EVC2: variants seen among roughly 807,000 people sequenced by gnomAD.
The protein encoded by EVC2 is limbin.
Under a neutral mutation model 149.3 loss-of-function variants are expected in EVC2, and 148 were observed. The ratio of observed to expected loss-of-function variants is 0.99; its 90% CI spans 0.87 to 1.14. The LOEUF is 1.14. Ranked by LOEUF, EVC2 falls within the 50% of genes most tolerant of loss-of-function variation. The pLI, the probability that EVC2 is intolerant of heterozygous loss-of-function variation, is 0.00. For synonymous variants in EVC2, 776 were observed against 649.9 expected, an observed-to-expected ratio of 1.19 and a Z score of -2.95; for missense variants, 1,854 against 1,627.3, an observed-to-expected ratio of 1.14 and a Z score of -2.40.
At chr4:5,595,338 A>T (rs1577133989) in intron 16 of EVC2, among the ~76,000 whole-genome samples, 1 of 152,354 alleles carries the variant, frequency 6.6e-6, no homozygotes, top group East Asian at 1.9e-4. Context: ...GTTACCCTCA[A>T]AGGGAAGCCC....
Position 5,631,664 on chromosome 4 carries a change from A to C in EVC2, c.1710+129T>G, listed in dbSNP as rs1716545056. 5 of 1,294,174 alleles carry C rather than the reference A, an allele frequency of 3.9e-6. No homozygotes were observed. In the South Asian group the frequency reaches 5.7e-5, roughly 15 times the overall value. 80.2% of individuals were successfully genotyped at this position (1,294,174 alleles called of 1,614,324 possible). A position where few individuals can be genotyped will look rare whatever the true frequency, so the allele number is the denominator to read the frequency against. On this transcript the variant is annotated intron_variant, in intron 11 of 21. Coordinates refer to ENST00000344408, the MANE Select transcript of EVC2 (RefSeq NM_147127.5). The stretch of plus-strand genomic sequence containing the variant: ...CTGCTTACTGGAAACTCACACACCA[A>C]GAGATAGAAGAGAAAGCTCACTAGT...
chr4:5,660,021 T>G (rs57170373), intron 9 of EVC2, among the ~76,000 whole-genome samples: 25,160 of 152,262 alleles, frequency 0.17, 2,196 homozygotes, highest in Middle Eastern at 0.22. Context: ...ATATAATAAG[T>G]GACATTTATG....
chr4:5,593,102 T>C (rs1172589052), intron 16 of EVC2, among the ~76,000 whole-genome samples: 2 of 152,172 alleles, frequency 1.3e-5, no homozygotes. Flanking sequence ...CTGCCATGAT[T>C]GTAAGTTTCT....
At chr4:5,588,059 T>C (rs1228096916) in intron 16 of EVC2, among the ~76,000 whole-genome samples, 6 of 152,226 alleles carry the variant, frequency 3.9e-5, no homozygotes, top group Non-Finnish European at 8.8e-5. Flanking sequence ...CCTGATTTCC[T>C]ATAACATTTC....
At chr4:5,572,742 T>C (rs1722708239) in intron 19 of EVC2, among the ~76,000 whole-genome samples, 1 of 152,204 alleles carries the variant, frequency 6.6e-6, no homozygotes, top group South Asian at 2.1e-4. Context: ...GAAATGAACC[T>C]GGTGAAATTC....
At chr4:5,544,330 A>ATTGATTGGTT (rs142750241) in intron 21 of EVC2, among the ~76,000 whole-genome samples, 39 of 152,264 alleles carry the variant, frequency 2.6e-4, no homozygotes, top group African/African-American at 7.0e-4. Context: ...AGCAGAAGGA[A>ATTGATTGGTT]TTGATTGGTC....
chr4:5,625,782 T>A lies in EVC2; in HGVS notation c.2013A>T (p.Leu671Phe), dbSNP rs1270336297. The stretch of plus-strand genomic sequence containing the variant: ...GCAACTCTCGTCTTCTCTTAGTTAT[T>A]AATTTTTGGTGGAGCTTTTTCTTTT... ...KQEKKKLHQK[L>F]ITKRRRELLQ... Residue 671 changes from leucine (L) to phenylalanine (F), a missense_variant, in exon 13 of 22, where the codon TTA (leucine) becomes TTT (phenylalanine). Physicochemically the swap from Leu to Phe is conservative, Grantham distance 22. Transcript: ENST00000344408. This position sits in a 1 kb window ranked among gnomAD's most constrained non-coding sequence, Gnocchi z 4.0. 6.2e-7 allele frequency: 1 copy of A among 1,614,148 alleles called. No homozygotes were observed. The highest frequency in any genetic ancestry group is 8.5e-7 in the Non-Finnish European group (1 of 1,180,036).
rs369576060 is a variant in EVC2 at position 5,646,398 on chromosome 4, C to T, written c.1146-5560G>A. ...ATGTCCCTTGTCCACTTTTTAATGG[C>T]TTTTTTTTCCTTGGGAGACCGAGGG... On this transcript the variant is annotated intron_variant, in intron 9 of 21. Coordinates refer to ENST00000344408, the MANE Select transcript of EVC2 (RefSeq NM_147127.5). Among the ~76,000 whole-genome samples, 203 of 151,562 alleles carry T rather than the reference C, an allele frequency of 1.3e-3. 1 individual carries two copies. The highest frequency in any genetic ancestry group is 6.8e-3 in the Middle Eastern group (2 of 294).
chr4:5,643,848 T>C (rs1365261719), intron 9 of EVC2, among the ~76,000 whole-genome samples: 2 of 152,046 alleles, frequency 1.3e-5, no homozygotes, highest in Non-Finnish European at 2.9e-5. Flanking sequence ...TTGGCCAAGA[T>C]TGCACCACGG....
Position 5,696,196 on chromosome 4 carries a change from G to A in EVC2, c.283+1397C>T, listed in dbSNP as rs918801960. Among the ~76,000 whole-genome samples, 2 of 152,188 alleles carry A rather than the reference G, an allele frequency of 1.3e-5. No individual in the cohort carries two copies. Among genetic ancestry groups the A allele is most frequent in the African/African-American group, 4.8e-5 (2 of 41,446 alleles). Reference sequence around the variant, plus strand: ...CAAATGCTTGTGCAGCAAGCAACCAGGACATAAAGTCTTAAGGCCACACCT... The same window carrying A: ...CAAATGCTTGTGCAGCAAGCAACCAAGACATAAAGTCTTAAGGCCACACCT... On this transcript the variant is annotated intron_variant, in intron 2 of 21. Coordinates refer to ENST00000344408, the MANE Select transcript of EVC2 (RefSeq NM_147127.5). The surrounding 1 kb of genome is among the most constrained non-coding windows in gnomAD (Gnocchi z 4.1).
chr4:5,690,404 TG>T (rs954091333), intron 4 of EVC2, among the ~76,000 whole-genome samples: 2 of 139,536 alleles, frequency 1.4e-5, no homozygotes, highest in African/African-American at 6.2e-5. Context: ...TGTGGGTTGT[TG>T]TTTTTTTTTT....
chr4:5,540,568 G>A (rs932102796), downstream of EVC2, among the ~76,000 whole-genome samples: 2 of 152,178 alleles, frequency 1.3e-5, no homozygotes, highest in African/African-American at 4.8e-5. Context: ...CAGAGTATAT[G>A]CTGTTTGGTT....
chr4:5,595,928 G>A (rs1452607764), intron 16 of EVC2, among the ~76,000 whole-genome samples: 8 of 152,150 alleles, frequency 5.3e-5, no homozygotes, highest in Non-Finnish European at 1.5e-5. Flanking sequence ...CCTAGTCTCT[G>A]ATAAAACAGA....
At chr4:5,634,011 A>G (rs1276117824) in intron 10 of EVC2, among the ~76,000 whole-genome samples, 2 of 152,244 alleles carry the variant, frequency 1.3e-5, no homozygotes, top group South Asian at 2.1e-4. Context: ...AAAGAGGTCC[A>G]AGGGCCAACA....
At position 5,615,325 on chromosome 4, in the gene EVC2, C is replaced by T. The variant is rs1715159899; in HGVS notation, c.2829+97G>A. ...AGCGGTTGGGTGGAGATGGATGGCACAGCCCCAAGGGCTCTGTGTGCCTGC... is the reference window on the plus strand; with the variant it reads ...AGCGGTTGGGTGGAGATGGATGGCATAGCCCCAAGGGCTCTGTGTGCCTGC... On this transcript the variant is annotated intron_variant, in intron 16 of 21. Coordinates refer to ENST00000344408, the MANE Select transcript of EVC2 (RefSeq NM_147127.5). 4 of 1,586,498 alleles carry T rather than the reference C, an allele frequency of 2.5e-6. No homozygotes were observed. In the Admixed American group the frequency reaches 7.0e-5, roughly 28 times the overall value.
At chr4:5,580,921 T>C (rs1420637259) in intron 17 of EVC2, among the ~76,000 whole-genome samples, 2 of 152,114 alleles carry the variant, frequency 1.3e-5, no homozygotes, top group Non-Finnish European at 1.5e-5. Context: ...GATCTTATGA[T>C]AGTGAGTGAG....
intron 16 of EVC2, among the ~76,000 whole-genome samples, chr4:5,601,301 T>C (rs1212934989): frequency 2.0e-5 from 3 of 152,122 alleles, no homozygotes; most frequent in African/African-American, 7.2e-5. Context: ...AAAAAAATCT[T>C]TAATATTCTT....
intron 9 of EVC2, among the ~76,000 whole-genome samples, chr4:5,649,183 A>G (rs193166668): frequency 1.3e-5 from 2 of 152,320 alleles, no homozygotes; most frequent in East Asian, 3.9e-4. Flanking sequence ...AGCAGGATTC[A>G]CCCACTGCCT....
At chr4:5,536,522 C>T in the EVC2 span, among the ~76,000 whole-genome samples, 15 of 152,136 alleles carry the variant, frequency 9.9e-5, no homozygotes, top group Non-Finnish European at 1.6e-4. Context: ...CGGTGGCTCA[C>T]ACCTGTAATC....
Sources: allele counts gnomAD v4.1 joint callset (sites outside exome capture counted in the v4.1 genomes callset), GRCh38; gene constraint gnomAD v4.1.1; non-coding constraint Gnocchi (gnomAD v3.1); transcripts MANE v1.5; gene names NCBI Gene and HGNC (gene_info 2026-07-23, HGNC 2026-07-21).